Variants in SEZ6L observed in about 807,000 individuals in gnomAD.
The protein encoded by SEZ6L is seizure 6-like protein.
Under a neutral mutation model 106.2 loss-of-function variants are expected in SEZ6L, and 37 were observed. The observed-to-expected ratio is 0.35, with a 90% CI of 0.27 to 0.46. SEZ6L has a LOEUF of 0.46. Ranked by LOEUF, SEZ6L falls within the 20% of genes least tolerant of loss-of-function variation. The pLI is 1.00. For synonymous variants in SEZ6L, 541 were observed against 570.4 expected (o/e 0.95, Z 0.73); for missense variants, 1,172 against 1,332.8 (o/e 0.88, Z 1.88).
intron 2 of SEZ6L, 89 bp downstream of exon 2, chr22:26,293,235 A>G (rs653361): frequency 2.1e-6 from 3 of 1,431,988 alleles, no homozygotes; most frequent in Middle Eastern, 1.8e-4. Flanking sequence ...AATCTCAAGA[A>G]GCCCCGGCCC....
chr22:26,290,037 G>C (rs945786735), intron 1 of SEZ6L, among the ~76,000 whole-genome samples: 7 of 152,216 alleles, frequency 4.6e-5, no homozygotes, highest in Non-Finnish European at 1.0e-4. Context: ...GCTGTCCTAA[G>C]TGCTTTGCAT....
At chr22:26,375,856 A>T (rs560965379) in intron 15 of SEZ6L, among the ~76,000 whole-genome samples, 167 bp downstream of exon 15, 1 of 152,296 alleles carries the variant, frequency 6.6e-6, no homozygotes, top group South Asian at 2.1e-4. Context: ...TGTGGGATAA[A>T]TATTTACATT....
intron 1 of SEZ6L, among the ~76,000 whole-genome samples, chr22:26,266,076 T>G (rs12628828): frequency 0.33 from 50,671 of 151,968 alleles, 9,557 homozygotes; most frequent in Non-Finnish European, 0.42. Flanking sequence ...CCACCAAGGT[T>G]CTGGGTAGGA....
intron 1 of SEZ6L, among the ~76,000 whole-genome samples, chr22:26,285,243 A>AAT (rs2080898981): frequency 2.6e-5 from 4 of 152,152 alleles, no homozygotes; most frequent in African/African-American, 4.8e-5. Context: ...TAATAAGTGC[A>AAT]GAATGAATGA....
chr22:26,266,846 G>GAATGAATGAATGCAAGGTGAAAGC (rs1421683251), intron 1 of SEZ6L, among the ~76,000 whole-genome samples: 6 of 151,984 alleles, frequency 3.9e-5, no homozygotes, highest in Non-Finnish European at 7.4e-5. Flanking sequence ...AGCAACAAAT[G>GAATGAATGAATGCAAGGTGAAAGC]AATGAATGAA....
At chr22:26,234,695 A>T (rs1297844617) in intron 1 of SEZ6L, among the ~76,000 whole-genome samples, 3 of 152,258 alleles carry the variant, frequency 2.0e-5, no homozygotes, top group Admixed American at 2.0e-4. Context: ...TCTGAAGCTC[A>T]TTTTCCCAAA....
chr22:26,218,894 T>C (rs987668124), intron 1 of SEZ6L, among the ~76,000 whole-genome samples: 1 of 151,862 alleles, frequency 6.6e-6, no homozygotes, highest in African/African-American at 2.4e-5. Context: ...GCCAAGATTG[T>C]GCCACTGCAC....
intron 1 of SEZ6L, among the ~76,000 whole-genome samples, chr22:26,270,631 T>C (rs2145838021): frequency 6.6e-6 from 1 of 152,288 alleles, no homozygotes; most frequent in South Asian, 2.1e-4. Flanking sequence ...GAGATTTACA[T>C]TTTGGATTAT....
chr22:26,255,265 G>A (rs2079770585), intron 1 of SEZ6L, among the ~76,000 whole-genome samples: 1 of 152,134 alleles, frequency 6.6e-6, no homozygotes. Flanking sequence ...TAAGGCCCAG[G>A]CATCTGCATT....
At chr22:26,237,859 G>T (rs534982490) in intron 1 of SEZ6L, among the ~76,000 whole-genome samples, 1 of 152,158 alleles carries the variant, frequency 6.6e-6, no homozygotes, top group Non-Finnish European at 1.5e-5. Flanking sequence ...TTCACATGCC[G>T]GCTGTTTAAG....
intron 1 of SEZ6L, among the ~76,000 whole-genome samples, chr22:26,279,060 C>G (rs1249074632): frequency 6.6e-6 from 1 of 150,956 alleles, no homozygotes; most frequent in Non-Finnish European, 1.5e-5. Flanking sequence ...CCAACTTCCC[C>G]CCCAACCACG....
chr22:26,310,103 G>A (rs1032187991), intron 6 of SEZ6L, among the ~76,000 whole-genome samples: 3 of 152,308 alleles, frequency 2.0e-5, no homozygotes, highest in Middle Eastern at 3.4e-3. Flanking sequence ...TTAGTTCGTC[G>A]TTTGGTTTAT....
chr22:26,289,654 G>A (rs2081046391), intron 1 of SEZ6L, among the ~76,000 whole-genome samples: 1 of 152,186 alleles, frequency 6.6e-6, no homozygotes, highest in Non-Finnish European at 1.5e-5. Context: ...ACACTGGCTG[G>A]TAATCAATGT....
intron 13 of SEZ6L, among the ~76,000 whole-genome samples, chr22:26,370,833 A>G (rs952084950): frequency 2.0e-5 from 3 of 151,988 alleles, no homozygotes; most frequent in Non-Finnish European, 4.4e-5. Flanking sequence ...GTGGGACCTC[A>G]TTTCTACAAA....
Position 26,382,064 on chromosome 22 carries a change from A to G in SEZ6L, c.*1769A>G, listed in dbSNP as rs1278637922. Reference sequence around the variant, plus strand: ...ACTTCAATCTTGGGGGTCTAAGACCAGAATATTTTCCTTCTGCCAGAAAAG... The same window carrying G: ...ACTTCAATCTTGGGGGTCTAAGACCGGAATATTTTCCTTCTGCCAGAAAAG... On this transcript the variant is annotated 3_prime_UTR_variant, in exon 17 of 17. Transcript: ENST00000248933. 1.9e-6 allele frequency: 1 copy of G among 518,316 alleles called. No individual in the cohort carries two copies. 32.1% of individuals were successfully genotyped at this position (518,316 alleles called of 1,614,324 possible).
intron 9 of SEZ6L, among the ~76,000 whole-genome samples, chr22:26,327,527 G>A (rs1363245414): frequency 2.6e-5 from 2 of 76,972 alleles, no homozygotes; most frequent in South Asian, 4.6e-4. Flanking sequence ...CACACCCCAC[G>A]ACACTACACA....
intron 1 of SEZ6L, among the ~76,000 whole-genome samples, chr22:26,190,895 C>A (rs2145655441): frequency 6.6e-6 from 1 of 152,164 alleles, no homozygotes; most frequent in African/African-American, 2.4e-5. Context: ...ATAAAATGAC[C>A]CAATTGTGAA....
At chr22:26,178,785 G>A (rs1939194470) in intron 1 of SEZ6L, among the ~76,000 whole-genome samples, 1 of 152,160 alleles carries the variant, frequency 6.6e-6, no homozygotes, top group African/African-American at 2.4e-5. Flanking sequence ...TCTTGAACAA[G>A]TCACTTAACT....
At chr22:26,376,944 A>G in intron 15 of SEZ6L, among the ~76,000 whole-genome samples, 1 of 151,924 alleles carries the variant, frequency 6.6e-6, no homozygotes, top group East Asian at 1.9e-4. Flanking sequence ...ACAATGAAGG[A>G]AATAGGTAGG....
Sources: allele counts gnomAD v4.1 joint callset (sites outside exome capture counted in the v4.1 genomes callset), GRCh38; gene constraint gnomAD v4.1.1; transcripts MANE v1.5; gene names NCBI Gene and HGNC (gene_info 2026-07-23, HGNC 2026-07-21).